POM121: variants seen among roughly 807,000 people sequenced by gnomAD.
The protein encoded by POM121 is nuclear envelope pore membrane protein POM 121.
In POM121, 32 loss-of-function variants were observed where a neutral mutation model predicts 81.3. The observed-to-expected ratio is 0.39, with a 90% confidence interval of 0.30 to 0.53. The LOEUF (loss-of-function observed/expected upper bound fraction) is 0.53, where lower values mean the gene tolerates loss of function less well. POM121 is among the 20% of genes least tolerant of loss of function. The probability of loss-of-function intolerance (pLI) is 0.66; values close to 1 mark genes in which losing one functional copy is unlikely to be tolerated. For synonymous variants in POM121, 514 were observed against 694.2 expected (o/e 0.74, Z 4.08); for missense variants, 1,138 against 1,614.6 (o/e 0.70, Z 5.06).
In POM121 at chr7:72,939,946, G is replaced by A. The variant is rs781788877; in HGVS notation, c.1541G>A (p.Arg514Gln). Residue 514 changes from arginine (R) to glutamine (Q), a missense_variant, in exon 8 of 13, where the codon CGG becomes CAG. Arg to Gln is a conservative substitution (Grantham distance 43). Coordinates refer to ENST00000434423, the MANE Select transcript of POM121 (RefSeq NM_001387691.1). The part of the protein sequence containing the change: ...RKRKVQLLPS[R>Q]RGEQLTLPPP... ...CGGAAAGTTCAGCTGCTGCCTTCTCGGCGAGGGGAACAGCTGACCTTGGTA... is the reference window on the plus strand; with the variant it reads ...CGGAAAGTTCAGCTGCTGCCTTCTCAGCGAGGGGAACAGCTGACCTTGGTA... 29 of 1,605,316 alleles carry A rather than the reference G, an allele frequency of 1.8e-5. No individual in the cohort carries two copies. Among genetic ancestry groups the A allele is most frequent in the East Asian group, 4.5e-5 (2 of 44,774 alleles).
intron 6 of POM121, 126 bp from the exon 7 acceptor site, chr7:72,939,210 T>C: frequency 7.4e-7 from 1 of 1,343,512 alleles, no homozygotes; most frequent in East Asian, 2.5e-5. Context: ...TATCCTGGCA[T>C]ACTGAGATCT....
intron 5 of POM121, among the ~76,000 whole-genome samples, chr7:72,937,137 C>T (rs1554499673): frequency 6.6e-6 from 1 of 151,986 alleles, no homozygotes; most frequent in East Asian, 1.9e-4. Context: ...TTCCTGTAGT[C>T]CCAGCTACTC....
At chr7:72,949,848 T>G (rs1554504405), downstream of POM121, 8 of 1,538,156 alleles carry the variant, frequency 5.2e-6, no homozygotes, top group Non-Finnish European at 7.2e-6. Flanking sequence ...GCACTCACCC[T>G]TGGTTCTTCA....
chr7:72,932,689 ATT>A (rs1796135416), intron 5 of POM121, among the ~76,000 whole-genome samples: 4 of 152,160 alleles, frequency 2.6e-5, no homozygotes. Context: ...GAGAGGGACC[ATT>A]TCTCCATGGC....
At chr7:72,888,656 G>A (rs1288632415) in intron 1 of POM121, among the ~76,000 whole-genome samples, 9 of 149,114 alleles carry the variant, frequency 6.0e-5, no homozygotes, top group Non-Finnish European at 1.0e-4. Flanking sequence ...CTTTCGGACC[G>A]AGAAGACTGA....
At chr7:72,886,600 T>G (rs551883179) in intron 1 of POM121, among the ~76,000 whole-genome samples, 2 of 152,356 alleles carry the variant, frequency 1.3e-5, no homozygotes, top group Admixed American at 6.5e-5. Flanking sequence ...TGAAGGAGTT[T>G]CTTTAACATT....
At chr7:72,922,851 C>T (rs576294427), upstream of POM121, among the ~76,000 whole-genome samples, 7 of 152,234 alleles carry the variant, frequency 4.6e-5, no homozygotes, top group South Asian at 1.5e-3. Flanking sequence ...TGCTTGGTTT[C>T]AGGACATCTG....
At chr7:72,913,739 G>A (rs1554494667) in intron 3 of POM121, 2 of 152,320 alleles carry the variant, frequency 1.3e-5, no homozygotes, top group Non-Finnish European at 2.9e-5. Context: ...TCCTCTCCCT[G>A]AAACTCTTCC....
chr7:72,929,916 T>G, intron 4 of POM121, 24 bp from the exon 5 acceptor site: 1 of 1,564,318 alleles, frequency 6.4e-7, no homozygotes, highest in Non-Finnish European at 8.7e-7. Context: ...CAATAAAGCA[T>G]CTAACTGTCT....
intron 4 of POM121, among the ~76,000 whole-genome samples, chr7:72,918,769 T>C (rs555243778): frequency 6.6e-6 from 1 of 152,156 alleles, no homozygotes; most frequent in East Asian, 1.9e-4. Context: ...TGTGACCTTT[T>C]CTCTGCACGT....
intron 10 of POM121, 142 bp from the exon 11 acceptor site, chr7:72,941,695 C>G (rs1797083838): frequency 1.0e-6 from 1 of 990,212 alleles, no homozygotes; most frequent in Admixed American, 2.8e-5. Flanking sequence ...CTGTACAGGC[C>G]TGTAGTGTAG....
chr7:72,944,389 A>G (rs1797447645), intron 11 of POM121, among the ~76,000 whole-genome samples: 1 of 152,092 alleles, frequency 6.6e-6, no homozygotes, highest in African/African-American at 2.4e-5. Context: ...TCTGGGAGAG[A>G]GAGGGTCAGG....
downstream of POM121, chr7:72,949,774 T>C (rs1797943359): frequency 1.1e-6 from 1 of 927,710 alleles, no homozygotes; most frequent in African/African-American, 1.6e-5. Context: ...AAGTCATCCT[T>C]TCAGCCTTCA....
At chr7:72,922,556 GTTT>G (rs797044356), upstream of POM121, among the ~76,000 whole-genome samples, 1 of 140,080 alleles carries the variant, frequency 7.1e-6, no homozygotes. Flanking sequence ...AAATTTTTGT[GTTT>G]TTTTTTTTTT....
At chr7:72,892,061 C>G (rs1461545196) in intron 3 of POM121, among the ~76,000 whole-genome samples, 2 of 152,244 alleles carry the variant, frequency 1.3e-5, no homozygotes, top group African/African-American at 4.8e-5. Context: ...GAATCATGCT[C>G]TGTCCATAGT....
chr7:72,930,689 T>C (rs1487705935), intron 5 of POM121, among the ~76,000 whole-genome samples: 3 of 152,212 alleles, frequency 2.0e-5, no homozygotes, highest in African/African-American at 4.8e-5. Context: ...CTGGACAGAC[T>C]TAGATTCAAA....
At chr7:72,898,194 T>A (rs2129575343) in intron 3 of POM121, among the ~76,000 whole-genome samples, 1 of 152,230 alleles carries the variant, frequency 6.6e-6, no homozygotes, top group Middle Eastern at 3.4e-3. Context: ...GGTGGGAGAG[T>A]GCGAAATTGG....
At chr7:72,926,090 T>A (rs1229336994) in intron 1 of POM121, among the ~76,000 whole-genome samples, 172 bp from the exon 2 acceptor site, 1 of 152,236 alleles carries the variant, frequency 6.6e-6, no homozygotes, top group Non-Finnish European at 1.5e-5. Flanking sequence ...GCTGTCACTC[T>A]CTGGCCTTAG....
Position 72,930,119 on chromosome 7 carries a change from T to C in POM121, c.1275+8T>C, listed in dbSNP as rs1415659911. On this transcript the variant is annotated splice_region_variant and intron_variant, in intron 5 of 12. Coordinates refer to ENST00000434423, the MANE Select transcript of POM121 (RefSeq NM_001387691.1). ...ACTCGAGGCATCTCACAGGTACAAG[T>C]ACAGCTCTTTTAATGTGGGGGACAT... 8.8e-6 allele frequency: 14 copies of C among 1,597,104 alleles called. No individual in the cohort carries two copies. In the African/African-American group the frequency reaches 1.9e-4, roughly 21 times the overall value.
Sources: gnomAD v4.1 joint callset for allele counts (sites outside exome capture counted in the v4.1 genomes callset) on GRCh38, gnomAD v4.1.1 for gene constraint, MANE v1.5 for transcripts, NCBI Gene and HGNC (gene_info 2026-07-23, HGNC 2026-07-21) for gene names.